The following CSMD1 variants were observed in gnomAD, a reference collection of about 807,000 sequenced individuals.
The protein encoded by CSMD1 is CUB and sushi domain-containing protein 1.
A neutral mutation model predicts 417.5 loss-of-function variants in CSMD1; 213 were observed. That is an observed-to-expected ratio of 0.51 (90% confidence interval 0.46 to 0.57). CSMD1 has a LOEUF of 0.57. Among genes scored for constraint, CSMD1 ranks in the 20% least tolerant of loss-of-function variants. CSMD1 has a pLI of 0.00. For missense variants in CSMD1, 6,923 were observed against 4,529.7 expected, an observed-to-expected ratio of 1.53 and a Z score of -15.17; for synonymous variants, 2,862 against 1,736.8, an observed-to-expected ratio of 1.65 and a Z score of -16.11.
intron 3 of CSMD1, among the ~76,000 whole-genome samples, chr8:4,064,081 G>C (rs762673711): frequency 2.6e-5 from 4 of 152,186 alleles, no homozygotes; most frequent in Non-Finnish European, 5.9e-5. Context: ...TGAAGCCCAT[G>C]TGAAATGCGA....
At chr8:4,617,854 C>T (rs764162465) in intron 2 of CSMD1, among the ~76,000 whole-genome samples, 6 of 152,154 alleles carry the variant, frequency 3.9e-5, no homozygotes, top group African/African-American at 4.8e-5. Flanking sequence ...ACCAAGAACA[C>T]TCACCCTTCT....
chr8:3,287,210 T>C lies in CSMD1; in HGVS notation c.3951-2864A>G, dbSNP rs183227864. Among the ~76,000 whole-genome samples, 1,170 of 148,744 alleles carry C rather than the reference T, an allele frequency of 7.9e-3. 40 individuals are homozygous for C. The highest frequency in any genetic ancestry group is 0.027 in the African/African-American group (1,085 of 40,498). On this transcript the variant is annotated intron_variant, in intron 25 of 69. Coordinates refer to ENST00000635120, the MANE Select transcript of CSMD1 (RefSeq NM_033225.6). ...CTCTGTTTTGGTTACTGTAGCCTTG[T>C]AGTACAGTTTGAAGTCAGGTAGGGT...
At chr8:3,723,292 C>G (rs919158820) in intron 6 of CSMD1, among the ~76,000 whole-genome samples, 1 of 152,132 alleles carries the variant, frequency 6.6e-6, no homozygotes, top group African/African-American at 2.4e-5. Context: ...CACTCAAAAC[C>G]TCTTCTCAGG....
intron 1 of CSMD1, among the ~76,000 whole-genome samples, chr8:4,845,023 AC>A (rs1229755975): frequency 6.6e-6 from 1 of 151,904 alleles, no homozygotes; most frequent in Non-Finnish European, 1.5e-5. Flanking sequence ...TTAGCATTTT[AC>A]ATGCATATTT....
intron 3 of CSMD1, among the ~76,000 whole-genome samples, chr8:4,307,992 G>T (rs1336768708): frequency 6.6e-6 from 1 of 152,142 alleles, no homozygotes; most frequent in Non-Finnish European, 1.5e-5. Flanking sequence ...GCTCAAGGAG[G>T]CTGGGATGTA....
chr8:4,862,994 AC>A (rs777066341), intron 1 of CSMD1, among the ~76,000 whole-genome samples: 21 of 151,768 alleles, frequency 1.4e-4, no homozygotes, highest in Non-Finnish European at 2.5e-4. Flanking sequence ...ACCAGCAAAT[AC>A]CCCCGTAGAT....
chr8:3,715,898 C>A (rs1323388254), intron 6 of CSMD1, among the ~76,000 whole-genome samples: 1 of 152,198 alleles, frequency 6.6e-6, no homozygotes, highest in African/African-American at 2.4e-5. Context: ...ATCTTTCCCT[C>A]CACATTCCTC....
At chr8:3,902,865 C>G (rs1376719400) in intron 5 of CSMD1, among the ~76,000 whole-genome samples, 1 of 143,626 alleles carries the variant, frequency 7.0e-6, no homozygotes, top group African/African-American at 2.7e-5. Context: ...GTAGCTACAT[C>G]CAACTTTCCT....
intron 5 of CSMD1, among the ~76,000 whole-genome samples, chr8:3,874,466 G>C (rs1305860355): frequency 1.3e-5 from 2 of 152,168 alleles, no homozygotes; most frequent in Non-Finnish European, 2.9e-5. Flanking sequence ...AGACTTCAGT[G>C]CTTGAACTTT....
intron 3 of CSMD1, among the ~76,000 whole-genome samples, chr8:4,413,204 T>A (rs1796743745): frequency 1.3e-5 from 2 of 152,070 alleles, no homozygotes; most frequent in Admixed American, 6.6e-5. Flanking sequence ...CCAGGGAGGG[T>A]TGCTCAGTTG....
At position 4,679,883 on chromosome 8, in the gene CSMD1, A is replaced by G. The variant is rs540621703; in HGVS notation, c.86-42325T>C. On this transcript the variant is annotated intron_variant, in intron 1 of 69. Transcript: ENST00000635120. ...ATACAATGCATAATAAATGCAATAG[A>G]AATGCTCATTTAATTTTAAAAATAG... 1.3e-4 allele frequency among the ~76,000 whole-genome samples: 20 copies of G among 152,290 alleles called. No individual in the cohort carries two copies. In the South Asian group the frequency reaches 4.1e-3, roughly 32 times the overall value.
At position 3,110,343 on chromosome 8, in the gene CSMD1, G is replaced by T. The variant is rs748608771; in HGVS notation, c.6431-8C>A. ...CGTTGTACCCACAAGGGGCTGCAAAGGAAACCAAGAAAAAACAAGCGCCAT... is the reference window on the plus strand; with the variant it reads ...CGTTGTACCCACAAGGGGCTGCAAATGAAACCAAGAAAAAACAAGCGCCAT... On this transcript the variant is annotated splice_polypyrimidine_tract_variant and splice_region_variant and intron_variant, in intron 42 of 69. Transcript: ENST00000635120. The T allele has an allele frequency of 6.3e-7, 1 of 1,586,734 alleles. No individual in the cohort carries two copies. Among genetic ancestry groups the T allele is most frequent in the South Asian group, 1.2e-5 (1 of 86,388 alleles).
chr8:4,664,663 T>A (rs1804806627), intron 1 of CSMD1, among the ~76,000 whole-genome samples: 1 of 152,202 alleles, frequency 6.6e-6, no homozygotes, highest in South Asian at 2.1e-4. Flanking sequence ...CACATGTGCT[T>A]ATTATTATAA....
chr8:3,710,694 G>A (rs4570188), intron 6 of CSMD1, among the ~76,000 whole-genome samples: 50,101 of 151,878 alleles, frequency 0.33, 8,432 homozygotes, highest in East Asian at 0.49. Flanking sequence ...CCTCTTTGCA[G>A]CGACACTGTG....
chr8:3,392,673 A>G (rs1333107167), intron 17 of CSMD1, among the ~76,000 whole-genome samples: 1 of 152,006 alleles, frequency 6.6e-6, no homozygotes, highest in Non-Finnish European at 1.5e-5. Context: ...TCTGATTTTC[A>G]TCATGAGTTC....
At chr8:3,738,105 G>A (rs543206345) in intron 6 of CSMD1, among the ~76,000 whole-genome samples, 161 of 152,228 alleles carry the variant, frequency 1.1e-3, no homozygotes, top group African/African-American at 3.6e-3. Flanking sequence ...CACTGTGTGG[G>A]CTCTAACATA....
intron 8 of CSMD1, among the ~76,000 whole-genome samples, chr8:3,607,427 C>T (rs1179084592): frequency 6.6e-6 from 1 of 152,134 alleles, no homozygotes; most frequent in Non-Finnish European, 1.5e-5. Flanking sequence ...AGAAAGTATA[C>T]CATTGTAAAT....
intron 26 of CSMD1, among the ~76,000 whole-genome samples, chr8:3,255,697 G>A (rs577207027): frequency 9.2e-5 from 14 of 152,286 alleles, no homozygotes; most frequent in East Asian, 7.7e-4. Context: ...CTGGTGTGCC[G>A]TTTGCTAAGC....
intron 50 of CSMD1, among the ~76,000 whole-genome samples, chr8:3,047,345 C>T (rs61507472): frequency 0.2 from 31,071 of 151,958 alleles, 3,428 homozygotes; most frequent in Middle Eastern, 0.3. Flanking sequence ...CATCTACATC[C>T]GTTATTCTTT....
Sources: gnomAD v4.1 joint callset for allele counts (sites outside exome capture counted in the v4.1 genomes callset) on GRCh38, gnomAD v4.1.1 for gene constraint, MANE v1.5 for transcripts, NCBI Gene and HGNC (gene_info 2026-07-23, HGNC 2026-07-21) for gene names.